Variants in CCNF observed in about 807,000 individuals in gnomAD.
CCNF encodes the protein cyclin-F.
CCNF carries 30 observed loss-of-function variants against 85.4 expected under a neutral mutation model. The ratio of observed to expected loss-of-function variants is 0.35; its 90% confidence interval spans 0.26 to 0.48. CCNF has a LOEUF of 0.48. Ranked by LOEUF, CCNF falls within the 20% of genes least tolerant of loss-of-function variation. The pLI is 0.99. For synonymous variants in CCNF, 439 were observed against 425.1 expected, an observed-to-expected ratio of 1.03 and a Z score of -0.40; for missense variants, 919 against 1,010.4, an observed-to-expected ratio of 0.91 and a Z score of 1.23.
chr16:2,455,328 G>T (rs748848689), intron 15 of CCNF, 67 bp from the exon 16 acceptor site: 6 of 1,483,366 alleles, frequency 4.0e-6, no homozygotes, highest in Admixed American at 2.2e-5. Context: ...AGAGGCAGGT[G>T]TGGAGGGCCT....
intron 8 of CCNF, among the ~76,000 whole-genome samples, chr16:2,441,943 A>ATG: frequency 2.6e-5 from 1 of 38,364 alleles, no homozygotes; most frequent in Non-Finnish European, 6.6e-5. Flanking sequence ...CAAATTATAT[A>ATG]TATATATATA....
chr16:2,451,679 T>C lies in CCNF; in HGVS notation c.1488-1531T>C, dbSNP rs2065396026. 6.6e-6 allele frequency among the ~76,000 whole-genome samples: 1 copy of C among 152,044 alleles called. No individual in the cohort carries two copies. Among genetic ancestry groups the C allele is most frequent in the African/African-American group, 2.4e-5 (1 of 41,416 alleles). ...GATTCTTTTGTGTCAGCCTCCCGAG[T>C]AGCAGAAACCACAGGCACCAGCACA... On this transcript the variant is annotated intron_variant, in intron 13 of 16. Transcript: ENST00000397066. The surrounding 1 kb of genome is among the most constrained non-coding windows in gnomAD (Gnocchi z 4.3).
At chr16:2,439,070 G>T (rs1218689669) in intron 6 of CCNF, among the ~76,000 whole-genome samples, 1 of 151,940 alleles carries the variant, frequency 6.6e-6, no homozygotes, top group African/African-American at 2.4e-5. Flanking sequence ...GACTGAGGTG[G>T]GTGGATCACC....
intron 15 of CCNF, among the ~76,000 whole-genome samples, chr16:2,454,888 C>T (rs1226106589): frequency 3.3e-5 from 5 of 152,022 alleles, no homozygotes; most frequent in Admixed American, 6.6e-5. Context: ...GGTGAAACCC[C>T]GTTTCTACTA....
At chr16:2,448,817 AG>A in intron 10 of CCNF, 37 bp from the exon 11 acceptor site, 1 of 1,601,158 alleles carries the variant, frequency 6.2e-7, no homozygotes, top group Non-Finnish European at 8.5e-7. Context: ...TGCCCCAGGA[AG>A]TGGGCTCCAC....
intron 15 of CCNF, 95 bp from the exon 16 acceptor site, chr16:2,455,300 C>T (rs992987785): frequency 4.2e-6 from 6 of 1,424,202 alleles, no homozygotes; most frequent in Non-Finnish European, 5.6e-6. Flanking sequence ...TGGTGACAGG[C>T]TGGGGCACGC....
chr16:2,445,405 A>AGGG (rs1418902316), intron 9 of CCNF, 53 bp from the exon 10 acceptor site: 1 of 1,597,026 alleles, frequency 6.3e-7, no homozygotes, highest in African/African-American at 1.3e-5. Flanking sequence ...AATCGCAGAC[A>AGGG]GGGACACATG....
rs111348985 is a variant in CCNF, at chr16:2,449,572, G to A, written c.1399+110G>A. On this transcript the variant is annotated intron_variant, in intron 12 of 16. Transcript: ENST00000397066. ...ATCCATTTGTCCTGGTTACTTCTTG[G>A]GGGGTGAGATACAGCACGGCTCCTA... 346 of 1,136,342 alleles carry A rather than the reference G, an allele frequency of 3.0e-4. No individual in the cohort carries two copies. The African/African-American group carries it at 3.4e-3, about 11-fold the overall frequency. The allele number at this position is 1,136,342 out of a possible 1,614,324, so 70.4% of individuals were successfully genotyped here. A position where few individuals can be genotyped will look rare whatever the true frequency, so the allele number is the denominator to read the frequency against.
Position 2,456,984 on chromosome 16 carries a change from G to A in CCNF, c.2325G>A (p.Glu775=). The A allele has an allele frequency of 6.2e-7, 1 of 1,603,034 alleles. No homozygotes were observed. The highest frequency in any genetic ancestry group is 1.1e-5 in the South Asian group (1 of 89,388). Reference sequence around the variant, plus strand: ...GGATAAACCTATGCATACACAGTGAGGAGGAGGACATGAACCTGGGCCTTG... The same window carrying A: ...GGATAAACCTATGCATACACAGTGAAGAGGAGGACATGAACCTGGGCCTTG... ...VKRINLCIHS[E]EEDMNLGLVR... Residue 775 remains glutamate, a synonymous_variant, in exon 17 of 17, where the codon GAG becomes GAA. Transcript: ENST00000397066. The surrounding 1 kb of genome is among the most constrained non-coding windows in gnomAD (Gnocchi z 4.5).
At chr16:2,449,589 C>T (rs183565847) in intron 12 of CCNF, 127 bp downstream of exon 12, 50 of 927,292 alleles carry the variant, frequency 5.4e-5, no homozygotes, top group Middle Eastern at 6.8e-4. Context: ...AGATACAGCA[C>T]GGCTCCTACC....
At chr16:2,448,085 C>T (rs1344066125) in intron 10 of CCNF, among the ~76,000 whole-genome samples, 1 of 152,236 alleles carries the variant, frequency 6.6e-6, no homozygotes, top group African/African-American at 2.4e-5. Context: ...AACAGGGTGA[C>T]CATCGCCTAG....
chr16:2,442,929 A>G (rs1411035012), intron 8 of CCNF, among the ~76,000 whole-genome samples: 1 of 37,136 alleles, frequency 2.7e-5, no homozygotes, highest in Non-Finnish European at 3.9e-5. Flanking sequence ...ATTAATATAT[A>G]TGATTATTAT....
chr16:2,434,236 G>A (rs2065276505), intron 3 of CCNF, among the ~76,000 whole-genome samples: 1 of 152,216 alleles, frequency 6.6e-6, no homozygotes, highest in African/African-American at 2.4e-5. Context: ...AACCCAGCAG[G>A]TGGAGGTTGC....
intron 4 of CCNF, 44 bp downstream of exon 4, chr16:2,435,917 T>A: frequency 6.9e-7 from 1 of 1,439,516 alleles, no homozygotes; most frequent in Non-Finnish European, 9.8e-7. Context: ...CAGATAAGTG[T>A]GAGCCTTTGG....
chr16:2,449,328 C>T lies in CCNF; in HGVS notation c.1265C>T (p.Pro422Leu), dbSNP rs772753529. ...DYKEVLLTLV[P>L]VELRTQHLCS... The stretch of plus-strand genomic sequence containing the variant: ...AAGGAGGTCCTGCTGACGCTAGTCC[C>T]TGTGGAGCTGAGAACCCAGCACCTG... The change falls in exon 12 of 17, where the codon CCT becomes CTT. Residue 422 changes from proline to leucine, a missense_variant. By Grantham distance (98) the Pro-to-Leu change is moderately conservative. Around this residue, in one of 3 missense-constraint regions of CCNF, gnomAD observed 505 missense variants for 514.8 expected, o/e 0.98. Coordinates refer to ENST00000397066, the MANE Select transcript of CCNF (RefSeq NM_001761.3). 3.1e-6 allele frequency: 5 copies of T among 1,613,882 alleles called. No individual in the cohort carries two copies. In the East Asian group the frequency reaches 8.9e-5, roughly 29 times the overall value.
chr16:2,449,481 C>G lies in CCNF; in HGVS notation c.1399+19C>G, dbSNP rs200292802. The G allele has an allele frequency of 6.3e-7, 1 of 1,590,898 alleles. No homozygotes were observed. Among genetic ancestry groups the G allele is most frequent in the East Asian group, 2.2e-5 (1 of 44,630 alleles). On this transcript the variant is annotated intron_variant, in intron 12 of 16. Transcript: ENST00000397066. ...GGGCAGAGTAAGGAGTGGCCCTTCC[C>G]AGGGATGCCTGTGTCGGGGAAGGTG...
Position 2,449,442 on chromosome 16 carries a change from C to A in CCNF, c.1379C>A (p.Ala460Asp). The A allele has an allele frequency of 6.2e-7, 1 of 1,606,576 alleles. No homozygotes were observed. Among genetic ancestry groups the A allele is most frequent in the Non-Finnish European group, 8.5e-7 (1 of 1,179,634 alleles). Residue 460 changes from alanine (A) to aspartate (D), a missense_variant, in exon 12 of 17, where the codon GCC becomes GAC. Ala to Asp is a moderately radical substitution (Grantham distance 126, BLOSUM62 -2). This residue lies in a region of CCNF where 505 missense variants were observed against 514.8 expected (regional missense o/e 0.98). Transcript: ENST00000397066. Reference sequence around the variant, plus strand: ...CTGGCTGCCGCAGCCCTGCTCCTGGCCAGACTGACGCACGGGCAGAGTAAG... The same window carrying A: ...CTGGCTGCCGCAGCCCTGCTCCTGGACAGACTGACGCACGGGCAGAGTAAG... ...ARLAAAALLL[A>D]RLTHGQTQPW...
chr16:2,445,272 G>C (rs540241743), intron 9 of CCNF, 186 bp from the exon 10 acceptor site: 72 of 637,848 alleles, frequency 1.1e-4, no homozygotes, highest in Non-Finnish European at 1.8e-4. Flanking sequence ...CCTGCTTTGG[G>C]GCTGGGACCC....
In CCNF at chr16:2,442,629, ATAT is replaced by A. The variant is rs2065332761; in HGVS notation, c.778-1016_778-1014del. ...AATATAATATTATATATAATATATA[ATAT>A]TATATAATATAATATTATTATATAT... is the stretch of plus-strand genomic sequence containing the variant. On this transcript the variant is annotated intron_variant, in intron 8 of 16. Coordinates refer to ENST00000397066, the MANE Select transcript of CCNF (RefSeq NM_001761.3). Among the ~76,000 whole-genome samples the A allele has an allele frequency of 3.3e-4, 2 of 6,012 alleles. 1 individual carries two copies. The highest frequency in any genetic ancestry group is 4.1e-4 in the Non-Finnish European group (2 of 4,826). The allele number at this position is 6,012 out of a possible 152,430, so 3.9% of individuals were successfully genotyped here.
Sources: gnomAD v4.1 joint callset for allele counts (sites outside exome capture counted in the v4.1 genomes callset) on GRCh38, gnomAD v4.1.1 for gene constraint, gnomAD v4.1.1 regional missense constraint, Gnocchi (gnomAD v3.1) non-coding constraint, MANE v1.5 for transcripts, NCBI Gene and HGNC (gene_info 2026-07-23, HGNC 2026-07-21) for gene names.